The following TUBB1 variants were observed in gnomAD, a reference collection of about 807,000 sequenced individuals.
TUBB1 encodes tubulin beta-1 chain.
Under a neutral mutation model 22.6 loss-of-function variants are expected in TUBB1, and 28 were observed. The observed-to-expected ratio is 1.24, with a 90% CI of 0.92 to 1.70. The LOEUF (loss-of-function observed/expected upper bound fraction) is 1.70, where lower values mean the gene tolerates loss of function less well. Among genes scored for constraint, TUBB1 ranks in the 40% most tolerant of loss-of-function variants. The probability of loss-of-function intolerance (pLI) is 0.00; values close to 1 mark genes in which losing one functional copy is unlikely to be tolerated. For synonymous variants in TUBB1, 226 were observed against 238.0 expected (o/e 0.95, Z 0.46); for missense variants, 577 against 605.5 (o/e 0.95, Z 0.49).
intron 1 of TUBB1, among the ~76,000 whole-genome samples, chr20:59,021,522 A>G (rs1200795756): frequency 6.6e-6 from 1 of 152,182 alleles, no homozygotes; most frequent in Non-Finnish European, 1.5e-5. Flanking sequence ...GCATTTTAAT[A>G]TGTGCCTTTC....
chr20:59,024,056 T>A lies in TUBB1; in HGVS notation c.629T>A (p.Ile210Asn), dbSNP rs746522701. ...ATTGACAATGAGGCCCTCTATGACA[T>A]CTGCTTCCGTACCCTGAAGCTGACG... Reference protein sequence around the residue: ...FCIDNEALYDICFRTLKLTTP... With the variant: ...FCIDNEALYDNCFRTLKLTTP... Residue 210 changes from isoleucine to asparagine, a missense_variant, in exon 4 of 4, where the codon ATC becomes AAC. Physicochemically the swap from Ile to Asn is moderately radical, Grantham distance 149. Coordinates refer to ENST00000217133, the MANE Select transcript of TUBB1 (RefSeq NM_030773.4). This position sits in a 1 kb window ranked among gnomAD's most constrained non-coding sequence, Gnocchi z 4.9. 1.2e-6 allele frequency: 2 copies of A among 1,614,110 alleles called. No homozygotes were observed.
upstream of TUBB1, among the ~76,000 whole-genome samples, chr20:59,017,369 G>A (rs1370581514): frequency 6.6e-6 from 1 of 152,238 alleles, no homozygotes. Context: ...AGACAGAGGT[G>A]AGAAGCAGTC....
chr20:59,020,130 C>T (rs1403997757), intron 1 of TUBB1, among the ~76,000 whole-genome samples: 1 of 152,190 alleles, frequency 6.6e-6, no homozygotes, highest in Non-Finnish European at 1.5e-5. Context: ...CCTTCTGCCT[C>T]AGGCTTCCAA....
Position 59,024,646 on chromosome 20 carries a change from G to A in TUBB1, c.1219G>A (p.Glu407Lys), listed in dbSNP as rs779957131. ...WYTSEGMDIN[E>K]FGEAENNIHD... The stretch of plus-strand genomic sequence containing the variant: ...CACCAGCGAAGGGATGGACATAAAC[G>A]AATTTGGGGAAGCTGAAAATAACAT... Residue 407 changes from glutamate (E) to lysine (K), a missense_variant, in exon 4 of 4, where the codon GAA (glutamate) becomes AAA (lysine). Physicochemically the swap from Glu to Lys is moderately conservative, Grantham distance 56. Transcript: ENST00000217133. This position sits in a 1 kb window ranked among gnomAD's most constrained non-coding sequence, Gnocchi z 4.9. The A allele has an allele frequency of 2.5e-5, 40 of 1,614,010 alleles. No individual in the cohort carries two copies. The highest frequency in any genetic ancestry group is 3.1e-5 in the Non-Finnish European group (37 of 1,180,046).
upstream of TUBB1, among the ~76,000 whole-genome samples, chr20:59,017,257 T>C (rs1289520577): frequency 6.6e-6 from 1 of 152,158 alleles, no homozygotes; most frequent in Non-Finnish European, 1.5e-5. Context: ...ACAATGATCC[T>C]CATACCATCC....
In TUBB1 at chr20:59,023,757, C is replaced by T. The variant is rs1200633312; in HGVS notation, c.330C>T (p.Ala110=). The T allele has an allele frequency of 5.6e-6, 9 of 1,614,028 alleles. No homozygotes were observed. The highest frequency in any genetic ancestry group is 2.2e-5 in the East Asian group (1 of 44,888). The part of the protein sequence containing the change: ...NWAKGHYTEG[A]ELIENVLEVV... ...CCAAAGGCCACTACACGGAGGGAGC[C>T]GAGCTGATCGAGAATGTCCTAGAGG... The change falls in exon 4 of 4, where the codon GCC becomes GCT. Residue 110 remains alanine, a synonymous_variant. Transcript: ENST00000217133.
rs775221566 is a variant in TUBB1, at chr20:59,024,489, C to T, written c.1062C>T (p.Cys354=). ...WIPNNVKVAV[C]DIPPRGLSMA... is the part of the protein sequence containing the mutation. ...CCAACAACGTCAAGGTGGCTGTCTG[C>T]GACATCCCGCCCCGGGGGCTGAGCA... The change falls in exon 4 of 4, where the codon TGC becomes TGT. Residue 354 remains cysteine, a synonymous_variant. Transcript: ENST00000217133. The surrounding 1 kb of genome is among the most constrained non-coding windows in gnomAD (Gnocchi z 4.9). 48 of 1,614,190 alleles carry T rather than the reference C, an allele frequency of 3.0e-5. No individual in the cohort carries two copies. The highest frequency in any genetic ancestry group is 2.0e-4 in the South Asian group (18 of 91,082).
In TUBB1 at chr20:59,023,922, T is replaced by G. The variant is rs2091980165; in HGVS notation, c.495T>G (p.Asn165Lys). The G allele has an allele frequency of 2.5e-6, 4 of 1,614,200 alleles. No homozygotes were observed. In the East Asian group the frequency reaches 8.9e-5, roughly 36 times the overall value. Reference protein sequence around the residue: ...IREEYPDRIMNSFSVMPSPKV... With the variant: ...IREEYPDRIMKSFSVMPSPKV... ...AGGAGTACCCGGACCGGATCATGAA[T>G]TCCTTCAGCGTCATGCCTTCTCCCA... The change falls in exon 4 of 4, where the codon AAT becomes AAG. Residue 165 changes from asparagine to lysine, a missense_variant. Transcript: ENST00000217133.
In TUBB1 at chr20:59,023,815, C is replaced by G. The variant is rs202177647; in HGVS notation, c.388C>G (p.Leu130Val). 2.9e-4 allele frequency: 461 copies of G among 1,614,120 alleles called. 1 individual carries two copies. The highest frequency in any genetic ancestry group is 9.9e-4 in the Middle Eastern group (6 of 6,082). The change falls in exon 4 of 4, where the codon CTG becomes GTG. Residue 130 changes from leucine (L) to valine (V), a missense_variant. By Grantham distance (32) the Leu-to-Val change is conservative (BLOSUM62 1). Coordinates refer to ENST00000217133, the MANE Select transcript of TUBB1 (RefSeq NM_030773.4). The stretch of plus-strand genomic sequence containing the variant: ...GCACGAGAGTGAGAGCTGTGACTGC[C>G]TGCAGGGCTTCCAGATCGTCCACTC... ...VRHESESCDCLQGFQIVHSLG... is the reference protein window; with the variant it reads ...VRHESESCDCVQGFQIVHSLG...
chr20:59,021,168 G>GCC (rs2146374212), intron 1 of TUBB1, among the ~76,000 whole-genome samples: 1 of 152,330 alleles, frequency 6.6e-6, no homozygotes, highest in Non-Finnish European at 1.5e-5. Flanking sequence ...GGAGGCAGGA[G>GCC]CCCTGCTGCT....
At chr20:59,017,860 C>A (rs1241693619), upstream of TUBB1, among the ~76,000 whole-genome samples, 1 of 152,230 alleles carries the variant, frequency 6.6e-6, no homozygotes, top group Non-Finnish European at 1.5e-5. Flanking sequence ...GCCACATCTA[C>A]CTCCTTCATT....
intron 1 of TUBB1, among the ~76,000 whole-genome samples, chr20:59,022,480 C>T (rs185101147): frequency 1.2e-3 from 179 of 152,258 alleles, no homozygotes; most frequent in Admixed American, 2.2e-3. Flanking sequence ...GGAATCTACA[C>T]TTTACTAGCT....
intron 2 of TUBB1, 152 bp downstream of exon 2, chr20:59,023,105 C>T (rs1420736012): frequency 1.3e-6 from 1 of 766,522 alleles, no homozygotes; most frequent in Non-Finnish European, 2.2e-6. Context: ...AGTGGTGGGT[C>T]CCCAAGCCCT....
In TUBB1 at chr20:59,024,556, A is replaced by C. The variant is rs761482226; in HGVS notation, c.1129A>C (p.Ile377Leu). Residue 377 changes from isoleucine (I) to leucine (L), a missense_variant, in exon 4 of 4, where the codon ATC (isoleucine) becomes CTC (leucine). By Grantham distance (5) the Ile-to-Leu change is conservative. Transcript: ENST00000217133. This position sits in a 1 kb window ranked among gnomAD's most constrained non-coding sequence, Gnocchi z 4.9. ...FIGNNTAIQE[I>L]FNRVSEHFSA... ...TGGCAACAACACGGCCATCCAAGAG[A>C]TCTTTAATAGGGTCTCTGAGCATTT... The C allele has an allele frequency of 1.2e-6, 2 of 1,614,028 alleles. No homozygotes were observed. Among genetic ancestry groups the C allele is most frequent in the East Asian group, 4.5e-5 (2 of 44,898 alleles).
chr20:59,022,442 A>G (rs973850285), intron 1 of TUBB1, among the ~76,000 whole-genome samples: 2 of 152,194 alleles, frequency 1.3e-5, no homozygotes, highest in Admixed American at 1.3e-4. Flanking sequence ...GTGAAATCAG[A>G]TAAGAATTCA....
Position 59,024,116 on chromosome 20 carries a change from C to T in TUBB1, c.689C>T (p.Ser230Phe), listed in dbSNP as rs757224713. The change falls in exon 4 of 4, where the codon TCC becomes TTC. Residue 230 changes from serine (S) to phenylalanine (F), a missense_variant. Coordinates refer to ENST00000217133, the MANE Select transcript of TUBB1 (RefSeq NM_030773.4). The surrounding 1 kb of genome is among the most constrained non-coding windows in gnomAD (Gnocchi z 4.9). ...TATGGGGATCTCAACCACCTAGTGT[C>T]CTTGACCATGAGCGGCATAACCACC... ...PTYGDLNHLVSLTMSGITTSL... is the reference protein window; with the variant it reads ...PTYGDLNHLVFLTMSGITTSL... 16 of 1,614,222 alleles carry T rather than the reference C, an allele frequency of 9.9e-6. No individual in the cohort carries two copies. Among genetic ancestry groups the T allele is most frequent in the Non-Finnish European group, 1.3e-5 (15 of 1,180,044 alleles).
At position 59,024,409 on chromosome 20, in the gene TUBB1, C is replaced by A. The variant is rs1212833757; in HGVS notation, c.982C>A (p.Gln328Lys). 1 of 1,614,064 alleles carries A rather than the reference C, an allele frequency of 6.2e-7. No homozygotes were observed. The highest frequency in any genetic ancestry group is 8.5e-7 in the Non-Finnish European group (1 of 1,180,032). Residue 328 changes from glutamine to lysine, a missense_variant, in exon 4 of 4, where the codon CAG becomes AAG. Transcript: ENST00000217133. The surrounding 1 kb of genome is among the most constrained non-coding windows in gnomAD (Gnocchi z 4.9). ...CAAGATGTCCACCAAGGAAGTGGAC[C>A]AGCAACTGCTCTCCGTGCAGACCAG... Reference protein sequence around the residue: ...RGKMSTKEVDQQLLSVQTRNS... With the variant: ...RGKMSTKEVDKQLLSVQTRNS...
intron 2 of TUBB1, among the ~76,000 whole-genome samples, 166 bp from the exon 3 acceptor site, chr20:59,023,324 T>C (rs2091976987): frequency 1.3e-5 from 2 of 152,212 alleles, no homozygotes; most frequent in African/African-American, 4.8e-5. Context: ...GGGATTGTTG[T>C]TGGGGTAAAA....
chr20:59,024,245 T>C lies in TUBB1; in HGVS notation c.818T>C (p.Leu273Pro). ...TTCTTTATGCCCGGCTTTGCCCCAC[T>C]CACGGCCCAGGGCAGCCAGCAGTAC... The part of the protein sequence containing the change: ...LHFFMPGFAP[L>P]TAQGSQQYRA... Residue 273 changes from leucine (L) to proline (P), a missense_variant, in exon 4 of 4, where the codon CTC (leucine) becomes CCC (proline). Coordinates refer to ENST00000217133, the MANE Select transcript of TUBB1 (RefSeq NM_030773.4). This position sits in a 1 kb window ranked among gnomAD's most constrained non-coding sequence, Gnocchi z 4.9. 2.5e-6 allele frequency: 4 copies of C among 1,613,946 alleles called. No homozygotes were observed. The highest frequency in any genetic ancestry group is 3.4e-6 in the Non-Finnish European group (4 of 1,180,008).
Sources: allele counts gnomAD v4.1 joint callset (sites outside exome capture counted in the v4.1 genomes callset), GRCh38; gene constraint gnomAD v4.1.1; non-coding constraint Gnocchi (gnomAD v3.1); transcripts MANE v1.5; gene names NCBI Gene and HGNC (gene_info 2026-07-23, HGNC 2026-07-21).